TSPAN2: variants seen among roughly 807,000 people sequenced by gnomAD.
TSPAN2 encodes tetraspanin 2.
In TSPAN2, 24 loss-of-function variants were observed where a neutral mutation model predicts 33.3. The observed-to-expected ratio is 0.72, with a 90% confidence interval of 0.52 to 1.01. The LOEUF is 1.01. Among genes scored for constraint, TSPAN2 ranks in the 50% least tolerant of loss-of-function variants. The probability of loss-of-function intolerance (pLI) is 0.00; values close to 1 mark genes in which losing one functional copy is unlikely to be tolerated. For synonymous variants in TSPAN2, 114 were observed against 104.5 expected (o/e 1.09, Z -0.56); for missense variants, 278 against 281.3 (o/e 0.99, Z 0.08).
chr1:115,066,133 T>TCATC (rs1351145294), intron 2 of TSPAN2, among the ~76,000 whole-genome samples: 2 of 152,254 alleles, frequency 1.3e-5, no homozygotes, highest in African/African-American at 4.8e-5. Flanking sequence ...CACATTTTCT[T>TCATC]CATCCATCCA....
chr1:115,072,786 G>A (rs1431169086), intron 2 of TSPAN2, 119 bp downstream of exon 2: 11 of 847,244 alleles, frequency 1.3e-5, no homozygotes, highest in East Asian at 7.8e-5. Context: ...TCCTTTCAGC[G>A]TCTTTCCCTG....
intron 1 of TSPAN2, among the ~76,000 whole-genome samples, chr1:115,088,293 C>T (rs983690426): frequency 2.0e-5 from 3 of 152,160 alleles, no homozygotes; most frequent in Admixed American, 1.3e-4. Context: ...AAGACAACGT[C>T]CCCCAGAGCA....
chr1:115,071,894 G>A (rs1034121054), intron 2 of TSPAN2, among the ~76,000 whole-genome samples: 8 of 151,912 alleles, frequency 5.3e-5, no homozygotes, highest in Admixed American at 1.3e-4. Context: ...TGGGGCCTGC[G>A]CTCTCTCTCT....
chr1:115,079,744 T>C (rs1648554272), intron 1 of TSPAN2, among the ~76,000 whole-genome samples: 1 of 152,172 alleles, frequency 6.6e-6, no homozygotes, highest in Admixed American at 6.6e-5. Context: ...GAAGGCTGTG[T>C]TAGTCTGGAA....
chr1:115,063,998 A>G (rs1211857673), intron 2 of TSPAN2, among the ~76,000 whole-genome samples: 1 of 152,124 alleles, frequency 6.6e-6, no homozygotes, highest in African/African-American at 2.4e-5. Flanking sequence ...GCATCACTCA[A>G]TGTACCTTTG....
intron 1 of TSPAN2, among the ~76,000 whole-genome samples, chr1:115,082,752 T>A (rs532796657): frequency 6.8e-4 from 104 of 152,326 alleles, no homozygotes; most frequent in Admixed American, 2.5e-3. Context: ...TGACACTGAA[T>A]ATAATCTCCC....
chr1:115,053,919 A>C (rs150266047), intron 6 of TSPAN2, among the ~76,000 whole-genome samples: 73 of 152,360 alleles, frequency 4.8e-4, no homozygotes, highest in Admixed American at 9.1e-4. Flanking sequence ...AGAAACTAAA[A>C]AGTCTTAACA....
intron 2 of TSPAN2, among the ~76,000 whole-genome samples, chr1:115,062,811 C>T (rs1438185249): frequency 6.6e-6 from 1 of 152,220 alleles, no homozygotes; most frequent in East Asian, 1.9e-4. Flanking sequence ...CTGTGGGGAA[C>T]CCCTGGGCCT....
intron 2 of TSPAN2, among the ~76,000 whole-genome samples, chr1:115,071,278 A>T (rs1180019601): frequency 6.6e-6 from 1 of 152,168 alleles, no homozygotes; most frequent in African/African-American, 2.4e-5. Context: ...CTGCAAGGGG[A>T]AATGTGTTGG....
At position 115,053,386 on chromosome 1, in the gene TSPAN2, C is replaced by A. The variant is rs551947024; in HGVS notation, c.593G>T (p.Gly198Val). 108 of 1,613,864 alleles carry A rather than the reference C, an allele frequency of 6.7e-5. No homozygotes were observed. Among genetic ancestry groups the A allele is most frequent in the Non-Finnish European group, 7.8e-5 (92 of 1,179,832 alleles). ...GTTCTAGAACTTTCTCACCGTCAGA[C>A]CTGCAATTCCAATACCGACAATTCC... is the stretch of plus-strand genomic sequence containing the variant. ...LIGIVGIGIA[G>V]LTIFGMIFSM... The change falls in exon 7 of 8, where the codon GGT becomes GTT. Residue 198 changes from glycine (G) to valine (V), a missense_variant. Physicochemically the swap from Gly to Val is moderately radical, Grantham distance 109. Transcript: ENST00000369516.
Position 115,050,196 on chromosome 1 carries a change from T to C in TSPAN2, c.*294A>G. The C allele has an allele frequency of 2.8e-6, 1 of 355,796 alleles. No individual in the cohort carries two copies. Among genetic ancestry groups the C allele is most frequent in the South Asian group, 3.4e-5 (1 of 29,326 alleles). 22.0% of individuals were successfully genotyped at this position (355,796 alleles called of 1,614,324 possible). On this transcript the variant is annotated 3_prime_UTR_variant, in exon 8 of 8. Coordinates refer to ENST00000369516, the MANE Select transcript of TSPAN2 (RefSeq NM_005725.6). Reference sequence around the variant, plus strand: ...TTTTTTCTGGGAGCGAAATAGGTTGTTCTTCTTATATAACAAGAATCAGGA... The same window carrying C: ...TTTTTTCTGGGAGCGAAATAGGTTGCTCTTCTTATATAACAAGAATCAGGA...
At position 115,072,875 on chromosome 1, in the gene TSPAN2, G is replaced by A. The variant is rs761906021; in HGVS notation, c.172+30C>T. 2.6e-6 allele frequency: 4 copies of A among 1,561,766 alleles called. No homozygotes were observed. In the East Asian group the frequency reaches 9.0e-5, roughly 35 times the overall value. ...CTTTGCACAGCCCCATCTACTCTGA[G>A]CTGGAGCTTAGGAAGCTGGAGTCAC... On this transcript the variant is annotated intron_variant, in intron 2 of 7. Transcript: ENST00000369516.
intron 7 of TSPAN2, among the ~76,000 whole-genome samples, chr1:115,051,850 A>T (rs937237497): frequency 6.6e-6 from 1 of 152,194 alleles, no homozygotes; most frequent in Non-Finnish European, 1.5e-5. Context: ...TTAGCTGATT[A>T]CATTGTGCAA....
chr1:115,088,885 C>T (rs1252251236), intron 1 of TSPAN2, among the ~76,000 whole-genome samples: 5 of 152,196 alleles, frequency 3.3e-5, no homozygotes, highest in Non-Finnish European at 5.9e-5. Context: ...GGTACAGTGT[C>T]CACACACTCG....
At chr1:115,069,767 T>G (rs1349778242) in intron 2 of TSPAN2, among the ~76,000 whole-genome samples, 3 of 152,244 alleles carry the variant, frequency 2.0e-5, no homozygotes, top group African/African-American at 7.2e-5. Context: ...AATGAAGAAT[T>G]CCTCATATCT....
Position 115,060,449 on chromosome 1 carries a change from A to C in TSPAN2, c.345+15T>G, listed in dbSNP as rs1301168221. On this transcript the variant is annotated intron_variant, in intron 4 of 7. Transcript: ENST00000369516. ...TTAACCATCATAGAAAAACATTATA[A>C]GTAATTTTACTTACTACCCCCTTGC... 5 of 1,594,914 alleles carry C rather than the reference A, an allele frequency of 3.1e-6. No homozygotes were observed. Among genetic ancestry groups the C allele is most frequent in the Non-Finnish European group, 4.3e-6 (5 of 1,165,072 alleles).
At chr1:115,085,686 A>G (rs1407543798) in intron 1 of TSPAN2, among the ~76,000 whole-genome samples, 1 of 152,172 alleles carries the variant, frequency 6.6e-6, no homozygotes, top group Admixed American at 6.5e-5. Context: ...AACTTTAGAA[A>G]CTTGAGTGGG....
At chr1:115,063,420 A>G (rs761662290) in intron 2 of TSPAN2, among the ~76,000 whole-genome samples, 2 of 152,184 alleles carry the variant, frequency 1.3e-5, no homozygotes, top group African/African-American at 2.4e-5. Flanking sequence ...GTCAAAAATA[A>G]CAGATGTTGG....
intron 1 of TSPAN2, among the ~76,000 whole-genome samples, chr1:115,088,969 C>A (rs1028248647): frequency 2.0e-5 from 3 of 151,984 alleles, no homozygotes; most frequent in Non-Finnish European, 4.4e-5. Context: ...CTGGTTCCAG[C>A]TGGTAGGCAG....
Sources: allele counts gnomAD v4.1 joint callset (sites outside exome capture counted in the v4.1 genomes callset), GRCh38; gene constraint gnomAD v4.1.1; transcripts MANE v1.5; gene names NCBI Gene and HGNC (gene_info 2026-07-23, HGNC 2026-07-21).